Variants in PDE8A observed in about 807,000 individuals in gnomAD.
PDE8A encodes high affinity cAMP-specific and IBMX-insensitive 3',5'-cyclic phosphodiesterase 8A.
Under a neutral mutation model 105.0 loss-of-function variants are expected in PDE8A, and 59 were observed. That is an observed-to-expected ratio of 0.56 (90% confidence interval 0.46 to 0.70). The LOEUF (loss-of-function observed/expected upper bound fraction) is 0.70. Among genes scored for constraint, PDE8A ranks in the 30% least tolerant of loss-of-function variants. The pLI is 0.00. For missense variants in PDE8A, 1,014 were observed against 1,045.9 expected, an observed-to-expected ratio of 0.97 and a Z score of 0.42; for synonymous variants, 355 against 371.9, an observed-to-expected ratio of 0.95 and a Z score of 0.52.
chr15:85,118,320 G>A (rs976485062), intron 17 of PDE8A, among the ~76,000 whole-genome samples: 1 of 152,078 alleles, frequency 6.6e-6, no homozygotes, highest in Non-Finnish European at 1.5e-5. Context: ...GAAACCGAGA[G>A]TCATCCTTGG....
At chr15:85,019,421 T>C (rs761319904) in intron 1 of PDE8A, among the ~76,000 whole-genome samples, 13 of 152,302 alleles carry the variant, frequency 8.5e-5, no homozygotes, top group Admixed American at 2.0e-4. Flanking sequence ...TTAACACTTT[T>C]AAAATTTTAT....
At chr15:85,074,133 A>G (rs1481281775) in intron 3 of PDE8A, among the ~76,000 whole-genome samples, 1 of 152,172 alleles carries the variant, frequency 6.6e-6, no homozygotes, top group African/African-American at 2.4e-5. Flanking sequence ...CTGCTTTTCC[A>G]TTCCTGAGCA....
chr15:85,038,112 C>T (rs1304797973), intron 1 of PDE8A, among the ~76,000 whole-genome samples: 1 of 152,084 alleles, frequency 6.6e-6, no homozygotes, highest in African/African-American at 2.4e-5. Flanking sequence ...TTGATGAGCT[C>T]ACTTTCTTTT....
intron 1 of PDE8A, among the ~76,000 whole-genome samples, chr15:85,039,044 T>G (rs889897660): frequency 6.6e-6 from 1 of 151,254 alleles, no homozygotes; most frequent in African/African-American, 2.4e-5. Flanking sequence ...TTGCTTGAAC[T>G]CGGGAGGCAG....
chr15:85,050,218 CTT>C (rs1479620223), intron 1 of PDE8A, among the ~76,000 whole-genome samples: 1 of 152,122 alleles, frequency 6.6e-6, no homozygotes, highest in Non-Finnish European at 1.5e-5. Flanking sequence ...ATATTACTCT[CTT>C]ATCAGATATA....
At chr15:85,102,852 A>G (rs925418458) in intron 11 of PDE8A, among the ~76,000 whole-genome samples, 2 of 151,174 alleles carry the variant, frequency 1.3e-5, no homozygotes, top group African/African-American at 4.9e-5. Context: ...AAAAAAAAAA[A>G]AAAGAATACC....
intron 1 of PDE8A, among the ~76,000 whole-genome samples, chr15:85,045,245 GAATCCTC>G (rs2080869312): frequency 6.6e-6 from 1 of 152,160 alleles, no homozygotes; most frequent in Non-Finnish European, 1.5e-5. Flanking sequence ...GCTGTCTATT[GAATCCTC>G]AATGCCTAGG....
chr15:84,982,141 T>G lies in PDE8A; in HGVS notation c.-22T>G. 3 of 1,305,690 alleles carry G rather than the reference T, an allele frequency of 2.3e-6. No individual in the cohort carries two copies. The highest frequency in any genetic ancestry group is 2.9e-6 in the Non-Finnish European group (3 of 1,030,856). The allele number at this position is 1,305,690 out of a possible 1,614,324, so 80.9% of individuals were successfully genotyped here. On this transcript the variant is annotated 5_prime_UTR_variant, in exon 1 of 22. Coordinates refer to ENST00000394553, the MANE Select transcript of PDE8A (RefSeq NM_002605.3). ...ACCGGATCGCGGCTACCCGCCAGCGTGTCCGCGGCGCCGCCGCCAGCATGG... is the reference window on the plus strand; with the variant it reads ...ACCGGATCGCGGCTACCCGCCAGCGGGTCCGCGGCGCCGCCGCCAGCATGG...
At position 85,126,227 on chromosome 15, in the gene PDE8A, A is replaced by C. The variant is rs2082256314; in HGVS notation, c.2106A>C (p.Glu702Asp). ...EENGETDKNQ[E>D]VINTMLRTPE... ...TTCAGGAAACTGATAAAAACCAGGA[A>C]GTGATAAACACTATGCTTAGGACTC... is the stretch of plus-strand genomic sequence containing the variant. The change falls in exon 20 of 22, where the codon GAA becomes GAC. Residue 702 changes from glutamate (E) to aspartate (D), a missense_variant. Glu to Asp is a conservative substitution (Grantham distance 45). Coordinates refer to ENST00000394553, the MANE Select transcript of PDE8A (RefSeq NM_002605.3). 1 of 1,603,924 alleles carries C rather than the reference A, an allele frequency of 6.2e-7. No homozygotes were observed. Among genetic ancestry groups the C allele is most frequent in the Non-Finnish European group, 8.5e-7 (1 of 1,175,846 alleles).
rs527765656 is a variant in PDE8A, at chr15:85,012,248, C to T, written c.186+29900C>T. Among the ~76,000 whole-genome samples the T allele has an allele frequency of 4.5e-3, 691 of 152,210 alleles. 10 individuals carry two copies. The highest frequency in any genetic ancestry group is 0.016 in the African/African-American group (656 of 41,502). ...ATGCTGCTATAAAGACACATGCACA[C>T]GTATGTTTATTGCAGCACTATTCAC... On this transcript the variant is annotated intron_variant, in intron 1 of 21. Coordinates refer to ENST00000394553, the MANE Select transcript of PDE8A (RefSeq NM_002605.3).
At chr15:85,129,631 T>G (rs2082303387) in intron 20 of PDE8A, among the ~76,000 whole-genome samples, 1 of 151,252 alleles carries the variant, frequency 6.6e-6, no homozygotes, top group African/African-American at 2.4e-5. Context: ...GCCAAAGATT[T>G]GTCAATCTTG....
Position 85,120,823 on chromosome 15 carries a change from C to T in PDE8A, c.1761C>T (p.Val587=), listed in dbSNP as rs149557632. 4.3e-6 allele frequency: 7 copies of T among 1,613,052 alleles called. No homozygotes were observed. Among genetic ancestry groups the T allele is most frequent in the South Asian group, 3.3e-5 (3 of 90,978 alleles). ...IKETLDPIDE[V]AALIAATIHD... ...AAACTTTAGATCCAATTGATGAGGTCGCTGCACTCATCGCAGCCACCATTC... is the reference window on the plus strand; with the variant it reads ...AAACTTTAGATCCAATTGATGAGGTTGCTGCACTCATCGCAGCCACCATTC... Residue 587 remains valine (V), a synonymous_variant, in exon 18 of 22, where the codon GTC becomes GTT. Transcript: ENST00000394553.
chr15:84,993,739 AAATT>A (rs1850481157), intron 1 of PDE8A, among the ~76,000 whole-genome samples: 1 of 151,864 alleles, frequency 6.6e-6, no homozygotes, highest in African/African-American at 2.4e-5. Context: ...AATAATAAAT[AAATT>A]AGCTGGGCAT....
chr15:85,074,390 A>G (rs2081353793), intron 3 of PDE8A, among the ~76,000 whole-genome samples: 1 of 152,210 alleles, frequency 6.6e-6, no homozygotes, highest in Non-Finnish European at 1.5e-5. Context: ...CTTTACAGAA[A>G]AGTTTGCTAA....
intron 11 of PDE8A, among the ~76,000 whole-genome samples, chr15:85,103,630 A>C (rs1342905814): frequency 1.3e-5 from 2 of 152,220 alleles, no homozygotes; most frequent in African/African-American, 4.8e-5. Flanking sequence ...TAGATTGGAC[A>C]ACAAAGCTCT....
chr15:85,126,077 C>A, intron 19 of PDE8A, 130 bp from the exon 20 acceptor site: 1 of 558,376 alleles, frequency 1.8e-6, no homozygotes, highest in Non-Finnish European at 3.0e-6. Context: ...GTATCCTTGG[C>A]ACTGTTTTGT....
At chr15:84,984,882 G>T (rs2079777212) in intron 1 of PDE8A, among the ~76,000 whole-genome samples, 1 of 151,946 alleles carries the variant, frequency 6.6e-6, no homozygotes, top group Non-Finnish European at 1.5e-5. Flanking sequence ...TCAGATTAGG[G>T]ATGCTGAACT....
intron 1 of PDE8A, chr15:85,062,515 A>T (rs572130749): frequency 6.6e-6 from 1 of 152,344 alleles, no homozygotes; most frequent in South Asian, 2.1e-4. Flanking sequence ...CTTCAACTGG[A>T]GGGGGAATGG....
At position 85,126,307 on chromosome 15, in the gene PDE8A, A is replaced by G. The variant is rs749820671; in HGVS notation, c.2186A>G (p.Asn729Ser). ...RMLIKCADVS[N>S]PCRPLQYCIE... ...CTGATTAAATGTGCTGATGTGTCCA[A>G]TCCCTGCCGACCCCTGCAGTACTGC... is the stretch of plus-strand genomic sequence containing the variant. The change falls in exon 20 of 22, where the codon AAT becomes AGT. Residue 729 changes from asparagine (N) to serine (S), a missense_variant. Transcript: ENST00000394553. 5.6e-6 allele frequency: 9 copies of G among 1,613,316 alleles called. No individual in the cohort carries two copies. The highest frequency in any genetic ancestry group is 2.2e-5 in the East Asian group (1 of 44,852).
Sources: gnomAD v4.1 joint callset for allele counts (sites outside exome capture counted in the v4.1 genomes callset) on GRCh38, gnomAD v4.1.1 for gene constraint, MANE v1.5 for transcripts, NCBI Gene and HGNC (gene_info 2026-07-23, HGNC 2026-07-21) for gene names.